CFAP47: variants seen among roughly 807,000 people sequenced by gnomAD.
CFAP47 encodes cilia- and flagella-associated protein 47.
A neutral mutation model predicts 148.1 loss-of-function variants in CFAP47; 29 were observed. The ratio of observed to expected loss-of-function variants is 0.20; its 90% confidence interval spans 0.15 to 0.27. The LOEUF is 0.27. CFAP47 is among the 10% of genes least tolerant of loss of function. CFAP47 has a pLI of 1.00. For synonymous variants in CFAP47, 664 were observed against 577.3 expected (o/e 1.15, Z -2.15); for missense variants, 1,872 against 1,697.5 (o/e 1.10, Z -1.81).
intron 21 of CFAP47, among the ~76,000 whole-genome samples, chrX:36,010,996 CTG>C (rs1408921968): frequency 3.6e-5 from 4 of 111,534 alleles, no homozygotes; most frequent in Non-Finnish European, 5.6e-5. Context: ...TTTGGTAACT[CTG>C]TACATCAGAT....
intron 22 of CFAP47, among the ~76,000 whole-genome samples, chrX:36,024,858 T>C (rs1170131829): frequency 8.9e-6 from 1 of 111,753 alleles, no homozygotes; most frequent in Non-Finnish European, 1.9e-5. Context: ...CACTTGATTT[T>C]TGGTTCTTAT....
chrX:36,178,473 TGG>T (rs758340767), intron 39 of CFAP47, among the ~76,000 whole-genome samples: 20 of 111,815 alleles, frequency 1.8e-4, no homozygotes, highest in African/African-American at 6.2e-4. Flanking sequence ...TGTGTGTTTG[TGG>T]GTGTGTGTGT....
rs543049970 is a variant in CFAP47, at chrX:36,097,906, C to T, written c.4917-887C>T. On this transcript the variant is annotated intron_variant, in intron 30 of 63. Transcript: ENST00000378653. Reference sequence around the variant, plus strand: ...TATCTTTTGAATAAACTCTTTTCCCCGGCTCTTTCTCTACCTCCTCTGTAA... The same window carrying T: ...TATCTTTTGAATAAACTCTTTTCCCTGGCTCTTTCTCTACCTCCTCTGTAA... Among the ~76,000 whole-genome samples the T allele has an allele frequency of 7.5e-4, 84 of 111,651 alleles. 1 individual carries two copies. Among genetic ancestry groups the T allele is most frequent in the South Asian group, 2.6e-3 (7 of 2,707 alleles).
intron 48 of CFAP47, among the ~76,000 whole-genome samples, chrX:36,245,561 C>G (rs181154919): frequency 1.6e-3 from 174 of 111,506 alleles, no homozygotes; most frequent in Non-Finnish European, 2.9e-3. Flanking sequence ...AGCTGAGACC[C>G]AAATCAAGAA....
chrX:36,067,660 T>G (rs1347992848), intron 27 of CFAP47, among the ~76,000 whole-genome samples: 1 of 75,204 alleles, frequency 1.3e-5, no homozygotes, highest in Non-Finnish European at 2.1e-5. Flanking sequence ...GCCACGGTGA[T>G]TTTTTTTTTT....
At chrX:36,127,574 C>T (rs776092092) in intron 33 of CFAP47, among the ~76,000 whole-genome samples, 99 of 111,299 alleles carry the variant, frequency 8.9e-4, no homozygotes, top group Non-Finnish European at 1.5e-3. Context: ...CTTGGCTATG[C>T]GGTCTCTTTT....
intron 24 of CFAP47, among the ~76,000 whole-genome samples, chrX:36,037,017 A>C (rs767387085): frequency 2.7e-5 from 3 of 112,311 alleles, no homozygotes; most frequent in Non-Finnish European, 3.8e-5. Flanking sequence ...GATAGAAAAT[A>C]CCAACTATTC....
intron 1 of CFAP47, among the ~76,000 whole-genome samples, chrX:35,923,875 A>C (rs1385697992): frequency 1.6e-4 from 14 of 88,488 alleles, no homozygotes; most frequent in Non-Finnish European, 2.4e-4. Context: ...ACATATATGT[A>C]TATATGTACA....
chrX:35,985,580 A>C (rs936880712), intron 15 of CFAP47, among the ~76,000 whole-genome samples: 1 of 110,915 alleles, frequency 9.0e-6, no homozygotes, highest in Non-Finnish European at 1.9e-5. Flanking sequence ...CTGACAGTGA[A>C]GGAGCTATGA....
At chrX:36,211,268 T>C (rs1201276170) in intron 45 of CFAP47, 5 of 247,832 alleles carry the variant, frequency 2.0e-5, no homozygotes, top group East Asian at 2.1e-4. Flanking sequence ...TGGAAGACCA[T>C]GTCTGTTAAA....
intron 22 of CFAP47, among the ~76,000 whole-genome samples, chrX:36,023,977 C>T (rs149656035): frequency 0.016 from 1,843 of 112,070 alleles, 44 homozygotes; most frequent in African/African-American, 0.057. Context: ...GTACCTAAGG[C>T]GCAAGACAAA....
intron 8 of CFAP47, among the ~76,000 whole-genome samples, chrX:35,960,428 A>G (rs1936314587): frequency 9.8e-6 from 1 of 102,120 alleles, no homozygotes; most frequent in African/African-American, 3.8e-5. Flanking sequence ...AATTTTGAAA[A>G]GAATTGTGTT....
chrX:36,286,725 G>C (rs1941137167), intron 51 of CFAP47, among the ~76,000 whole-genome samples: 2 of 111,208 alleles, frequency 1.8e-5, no homozygotes, highest in African/African-American at 6.5e-5. Flanking sequence ...TCAAGACGTA[G>C]AGAAAAACAT....
At chrX:35,952,164 T>C (rs1936176765) in intron 6 of CFAP47, among the ~76,000 whole-genome samples, 1 of 112,056 alleles carries the variant, frequency 8.9e-6, no homozygotes, top group Non-Finnish European at 1.9e-5. Flanking sequence ...AAATACTTCA[T>C]GTAAAGTTAA....
intron 51 of CFAP47, among the ~76,000 whole-genome samples, chrX:36,297,644 T>C (rs1000094150): frequency 8.1e-5 from 9 of 111,279 alleles, no homozygotes; most frequent in Non-Finnish European, 1.5e-4. Context: ...TCTTAGAACT[T>C]AAAGAGTGCC....
At chrX:36,001,550 A>G in intron 20 of CFAP47, 63 bp from the exon 21 acceptor site, 1 of 282,113 alleles carries the variant, frequency 3.5e-6, no homozygotes, top group Non-Finnish European at 6.3e-6. Context: ...ATAGCCCTGC[A>G]CAAATATTTT....
intron 62 of CFAP47, among the ~76,000 whole-genome samples, chrX:36,373,667 G>T (rs1941994052): frequency 9.0e-6 from 1 of 111,616 alleles, no homozygotes; most frequent in African/African-American, 3.3e-5. Context: ...TAGAGGAAAA[G>T]CTTTCAGTTT....
At chrX:36,129,210 C>G (rs1223009377) in intron 33 of CFAP47, among the ~76,000 whole-genome samples, 2 of 110,402 alleles carry the variant, frequency 1.8e-5, no homozygotes, top group Non-Finnish European at 3.8e-5. Context: ...TGAGCTTTAT[C>G]TAAATTTTTA....
chrX:36,025,352 G>A (rs1937204101), intron 22 of CFAP47, among the ~76,000 whole-genome samples: 1 of 111,236 alleles, frequency 9.0e-6, no homozygotes, highest in Admixed American at 9.6e-5. Context: ...TGGCTATCTT[G>A]ACTGGTAATT....
Sources: gnomAD v4.1 joint callset for allele counts (sites outside exome capture counted in the v4.1 genomes callset) on GRCh38, gnomAD v4.1.1 for gene constraint, MANE v1.5 for transcripts, NCBI Gene and HGNC (gene_info 2026-07-23, HGNC 2026-07-21) for gene names.